The following ALDH8A1 variants were observed in gnomAD, a reference collection of about 807,000 sequenced individuals.
ALDH8A1 encodes the protein aldehyde dehydrogenase 8 family member A1.
ALDH8A1 carries 39 observed loss-of-function variants against 43.3 expected under a neutral mutation model. The observed-to-expected ratio is 0.90, with a 90% CI of 0.70 to 1.18. The LOEUF is 1.18. ALDH8A1 is among the 50% of genes most tolerant of loss of function. The pLI is 0.00. For missense variants in ALDH8A1, 605 were observed against 622.6 expected (o/e 0.97, Z 0.30); for synonymous variants, 233 against 243.5 (o/e 0.96, Z 0.40).
At chr6:134,939,226 C>T in intron 4 of ALDH8A1, 40 bp downstream of exon 4, 1 of 1,608,278 alleles carries the variant, frequency 6.2e-7, no homozygotes, top group Non-Finnish European at 8.5e-7. Context: ...TAGGTTTGCT[C>T]CAACTCTGTG....
At chr6:134,949,692 G>A (rs1774010915) in intron 1 of ALDH8A1, among the ~76,000 whole-genome samples, 1 of 152,120 alleles carries the variant, frequency 6.6e-6, no homozygotes, top group Non-Finnish European at 1.5e-5. Flanking sequence ...GGCTGTGTTA[G>A]GTTGGCTAGA....
At chr6:134,947,755 T>C (rs944943303) in intron 1 of ALDH8A1, among the ~76,000 whole-genome samples, 2 of 150,076 alleles carry the variant, frequency 1.3e-5, no homozygotes, top group African/African-American at 4.9e-5. Context: ...AAAAGGCTGG[T>C]GAAGCTGCAA....
At chr6:134,945,561 C>A (rs914697284) in intron 1 of ALDH8A1, among the ~76,000 whole-genome samples, 1 of 152,152 alleles carries the variant, frequency 6.6e-6, no homozygotes, top group African/African-American at 2.4e-5. Context: ...CTAAGTAATG[C>A]CTTCTCCAGA....
intron 6 of ALDH8A1, among the ~76,000 whole-genome samples, chr6:134,927,380 A>G (rs1776902665): frequency 6.6e-6 from 1 of 152,194 alleles, no homozygotes. Context: ...ATATTGTATG[A>G]AAGTCCACAG....
At chr6:134,932,140 C>T (rs1037903445) in intron 5 of ALDH8A1, among the ~76,000 whole-genome samples, 2 of 152,186 alleles carry the variant, frequency 1.3e-5, no homozygotes, top group East Asian at 1.9e-4. Context: ...AAGCAGGCAG[C>T]GTTTCCATCT....
At chr6:134,920,336 T>C (rs1483052705) in intron 6 of ALDH8A1, among the ~76,000 whole-genome samples, 1 of 152,200 alleles carries the variant, frequency 6.6e-6, no homozygotes, top group Non-Finnish European at 1.5e-5. Flanking sequence ...GAAACTAAAA[T>C]AAGTTTGTAC....
intron 6 of ALDH8A1, among the ~76,000 whole-genome samples, chr6:134,927,989 T>G (rs1013976829): frequency 6.6e-6 from 1 of 152,192 alleles, no homozygotes; most frequent in Non-Finnish European, 1.5e-5. Context: ...TGGAGACCAC[T>G]GCCTATGTAC....
Position 134,918,809 on chromosome 6 carries a change from C to A in ALDH8A1, c.1070G>T (p.Gly357Val). 6.2e-7 allele frequency: 1 copy of A among 1,614,214 alleles called. No homozygotes were observed. Among genetic ancestry groups the A allele is most frequent in the Non-Finnish European group, 8.5e-7 (1 of 1,180,026 alleles). Residue 357 changes from glycine (G) to valine (V), a missense_variant, in exon 7 of 7, where the codon GGA (glycine) becomes GTA (valine). Gly to Val is a moderately radical substitution (Grantham distance 109). Transcript: ENST00000265605. ...AEGAQIWCGE[G>V]VDKLSLPARN... is the part of the protein sequence containing the mutation. The stretch of plus-strand genomic sequence containing the variant: ...GGCAGGGAGGCTCAACTTATCCACT[C>A]CCTCACCGCACCAAATTTGGGCACC...
intron 6 of ALDH8A1, among the ~76,000 whole-genome samples, chr6:134,926,790 CA>C (rs1776890492): frequency 7.1e-6 from 1 of 140,972 alleles, no homozygotes; most frequent in African/African-American, 2.6e-5. Flanking sequence ...GCCTGGGCGA[CA>C]GAGTAAGACT....
chr6:134,940,608 A>C (rs2114703621), intron 3 of ALDH8A1, among the ~76,000 whole-genome samples: 1 of 152,332 alleles, frequency 6.6e-6, no homozygotes, highest in African/African-American at 2.4e-5. Context: ...CTGACCAGAT[A>C]GATTTGCTGG....
intron 1 of ALDH8A1, among the ~76,000 whole-genome samples, chr6:134,946,739 G>A (rs1445578000): frequency 9.4e-6 from 1 of 106,198 alleles, no homozygotes; most frequent in Admixed American, 8.9e-5. Flanking sequence ...TAACTGCAAT[G>A]CTATAATGCA....
In ALDH8A1 at chr6:134,929,214, C is replaced by T. The variant is rs267600820; in HGVS notation, c.851G>A (p.Gly284Asp). The T allele has an allele frequency of 6.2e-7, 1 of 1,613,780 alleles. No homozygotes were observed. The highest frequency in any genetic ancestry group is 1.1e-5 in the South Asian group (1 of 91,038). The change falls in exon 6 of 7, where the codon GGT becomes GAT. Residue 284 changes from glycine to aspartate, a missense_variant and splice_region_variant. Transcript: ENST00000265605. ...CCTGCTGGTACAGAGACAGATTTCA[C>T]CCTGCCAAGAATGAGAACAGGGATA... ...ATVRSSFANQ[G>D]EICLCTSRIF...
At chr6:134,929,532 A>G (rs1403567676) in intron 5 of ALDH8A1, among the ~76,000 whole-genome samples, 2 of 152,318 alleles carry the variant, frequency 1.3e-5, no homozygotes, top group Admixed American at 6.5e-5. Flanking sequence ...CTTGGAGGGC[A>G]CTTGCAAAGA....
intron 4 of ALDH8A1, among the ~76,000 whole-genome samples, chr6:134,938,655 T>C (rs1463803988): frequency 1.3e-5 from 2 of 152,058 alleles, no homozygotes; most frequent in Non-Finnish European, 2.9e-5. Context: ...TATTTTTTAA[T>C]TTATTTTTTT....
At chr6:134,949,626 T>C (rs1175377990) in intron 1 of ALDH8A1, among the ~76,000 whole-genome samples, 1 of 152,274 alleles carries the variant, frequency 6.6e-6, no homozygotes, top group Middle Eastern at 3.4e-3. Context: ...AATAATACTT[T>C]GTACTAGACA....
chr6:134,925,869 T>G (rs1454847188), intron 6 of ALDH8A1, among the ~76,000 whole-genome samples: 1 of 152,110 alleles, frequency 6.6e-6, no homozygotes, highest in Non-Finnish European at 1.5e-5. Context: ...GAGAGAGCCA[T>G]GCGTGCATCT....
At chr6:134,920,163 G>C (rs1776775864) in intron 6 of ALDH8A1, among the ~76,000 whole-genome samples, 1 of 152,134 alleles carries the variant, frequency 6.6e-6, no homozygotes, top group Admixed American at 6.5e-5. Flanking sequence ...TCCGCCCAAA[G>C]TGCTGGGATT....
intron 5 of ALDH8A1, among the ~76,000 whole-genome samples, chr6:134,930,241 G>T (rs1186501804): frequency 2.6e-5 from 4 of 152,162 alleles, no homozygotes; most frequent in Non-Finnish European, 2.9e-5. Flanking sequence ...AAAGAGGATT[G>T]GTATTGCAAG....
chr6:134,936,139 T>C (rs1049955108), intron 4 of ALDH8A1, among the ~76,000 whole-genome samples: 8 of 152,180 alleles, frequency 5.3e-5, no homozygotes, highest in Non-Finnish European at 1.0e-4. Flanking sequence ...TTGGTAGAGA[T>C]GGGATTTCAC....
Sources: allele counts gnomAD v4.1 joint callset (sites outside exome capture counted in the v4.1 genomes callset), GRCh38; gene constraint gnomAD v4.1.1; transcripts MANE v1.5; gene names NCBI Gene and HGNC (gene_info 2026-07-23, HGNC 2026-07-21).